SUPT3H: variants seen among roughly 807,000 people sequenced by gnomAD.
SUPT3H encodes transcription initiation protein SPT3 homolog.
Under a neutral mutation model 44.3 loss-of-function variants are expected in SUPT3H, and 44 were observed. The ratio of observed to expected loss-of-function variants is 0.99; its 90% CI spans 0.78 to 1.28. The LOEUF is 1.28. Ranked by LOEUF, SUPT3H falls within the 50% of genes most tolerant of loss-of-function variation. The pLI is 0.00. For synonymous variants in SUPT3H, 124 were observed against 125.6 expected (o/e 0.99, Z 0.09); for missense variants, 380 against 387.1 (o/e 0.98, Z 0.15).
chr6:44,837,952 T>C (rs1188013281), intron 10 of SUPT3H, among the ~76,000 whole-genome samples: 1 of 152,222 alleles, frequency 6.6e-6, no homozygotes, highest in Non-Finnish European at 1.5e-5. Context: ...TTCCCCCGCC[T>C]TCTCAATGGC....
At chr6:45,184,483 G>C (rs1813825605) in intron 2 of SUPT3H, among the ~76,000 whole-genome samples, 1 of 151,974 alleles carries the variant, frequency 6.6e-6, no homozygotes, top group Admixed American at 6.6e-5. Flanking sequence ...TTATTTTTGA[G>C]TGCTTCTATG....
chr6:44,943,789 A>T (rs548365763), intron 9 of SUPT3H, among the ~76,000 whole-genome samples: 128 of 152,126 alleles, frequency 8.4e-4, no homozygotes, highest in African/African-American at 3.0e-3. Flanking sequence ...ATCTAATGAA[A>T]CATCATCCAA....
At chr6:44,887,210 G>A (rs1247024505) in intron 10 of SUPT3H, among the ~76,000 whole-genome samples, 2 of 152,188 alleles carry the variant, frequency 1.3e-5, no homozygotes, top group Non-Finnish European at 2.9e-5. Flanking sequence ...ACACATCAAC[G>A]AGACAGAAAG....
rs886222682 is a variant in SUPT3H at position 44,980,776 on chromosome 6, A to C, written c.505-18948T>G. 5.3e-5 allele frequency among the ~76,000 whole-genome samples: 8 copies of C among 152,318 alleles called. No homozygotes were observed. The East Asian group carries it at 1.3e-3, about 26-fold the overall frequency. On this transcript the variant is annotated intron_variant, in intron 6 of 10. Transcript: ENST00000371459. ...AATGAGGATTCTCTTCCTTCACATC[A>C]CTTACAAACATTTTTTTAAATGCAA...
intron 10 of SUPT3H, among the ~76,000 whole-genome samples, chr6:44,916,848 TG>T (rs1242370435): frequency 6.6e-6 from 1 of 152,138 alleles, no homozygotes; most frequent in Non-Finnish European, 1.5e-5. Flanking sequence ...GTTGCTAATT[TG>T]GGGGCTAGGC....
intron 10 of SUPT3H, among the ~76,000 whole-genome samples, chr6:44,840,951 G>T (rs1581925261): frequency 6.6e-6 from 1 of 152,240 alleles, no homozygotes; most frequent in African/African-American, 2.4e-5. Context: ...AAAACATGAT[G>T]TTGTCATCTA....
intron 2 of SUPT3H, among the ~76,000 whole-genome samples, chr6:45,293,452 C>T (rs1780621128): frequency 6.6e-6 from 1 of 151,926 alleles, no homozygotes; most frequent in Admixed American, 6.6e-5. Context: ...ACAAACCAAA[C>T]CCAAGCCTTG....
intron 10 of SUPT3H, among the ~76,000 whole-genome samples, chr6:44,922,327 C>T (rs966577884): frequency 6.6e-6 from 1 of 152,222 alleles, no homozygotes; most frequent in Non-Finnish European, 1.5e-5. Flanking sequence ...AGTAAGGTAT[C>T]AGTTTCATTT....
chr6:45,302,514 AATATAT>A (rs10524207), intron 2 of SUPT3H, among the ~76,000 whole-genome samples: 7,185 of 104,588 alleles, frequency 0.069, 287 homozygotes, highest in African/African-American at 0.11. Context: ...GTATCTCAGG[AATATAT>A]ATATATATAT....
chr6:45,213,293 A>T (rs933717643), intron 2 of SUPT3H, among the ~76,000 whole-genome samples: 1 of 152,212 alleles, frequency 6.6e-6, no homozygotes, highest in African/African-American at 2.4e-5. Flanking sequence ...TGAATAAAAC[A>T]TATAACAAAC....
At chr6:45,304,993 T>C (rs1237597419) in intron 2 of SUPT3H, among the ~76,000 whole-genome samples, 1 of 152,228 alleles carries the variant, frequency 6.6e-6, no homozygotes, top group Non-Finnish European at 1.5e-5. Flanking sequence ...GAATACATAA[T>C]GTATCCAATA....
intron 2 of SUPT3H, among the ~76,000 whole-genome samples, chr6:45,202,272 T>G (rs1274655142): frequency 6.6e-6 from 1 of 151,944 alleles, no homozygotes; most frequent in Non-Finnish European, 1.5e-5. Context: ...ATAATGATGA[T>G]ACCTTCCTTG....
intron 2 of SUPT3H, among the ~76,000 whole-genome samples, chr6:45,178,214 A>G (rs1397457237): frequency 6.6e-6 from 1 of 152,312 alleles, no homozygotes; most frequent in East Asian, 1.9e-4. Flanking sequence ...AAATAAAAGG[A>G]TAGAGGAAGA....
intron 3 of SUPT3H, among the ~76,000 whole-genome samples, chr6:45,054,349 GA>G (rs1466927730): frequency 6.6e-6 from 1 of 152,122 alleles, no homozygotes; most frequent in African/African-American, 2.4e-5. Flanking sequence ...GGGATACAGA[GA>G]AGACTGAACA....
chr6:44,984,734 T>C (rs1235334863), intron 6 of SUPT3H, among the ~76,000 whole-genome samples: 3 of 152,288 alleles, frequency 2.0e-5, no homozygotes, highest in Non-Finnish European at 4.4e-5. Context: ...CTTTTATTAC[T>C]AGTAGCACAC....
intron 2 of SUPT3H, among the ~76,000 whole-genome samples, chr6:45,251,747 C>G (rs1246852110): frequency 6.6e-6 from 1 of 151,998 alleles, no homozygotes; most frequent in East Asian, 1.9e-4. Context: ...TAAACAAAGG[C>G]CAGTGCTAGT....
chr6:45,198,297 T>C (rs565033778), intron 2 of SUPT3H, among the ~76,000 whole-genome samples: 3 of 151,326 alleles, frequency 2.0e-5, no homozygotes, highest in Admixed American at 6.6e-5. Context: ...TCATTTTGTA[T>C]TCAACAGCAG....
chr6:44,891,514 A>G (rs1763311839), intron 10 of SUPT3H, among the ~76,000 whole-genome samples: 1 of 152,186 alleles, frequency 6.6e-6, no homozygotes, highest in African/African-American at 2.4e-5. Context: ...CACATATCAT[A>G]TAATTCCATT....
chr6:45,231,333 T>C (rs552702759), intron 2 of SUPT3H, among the ~76,000 whole-genome samples: 1 of 152,204 alleles, frequency 6.6e-6, no homozygotes, highest in African/African-American at 2.4e-5. Context: ...ACTTTATTTA[T>C]CCTTCCTTCA....
Sources: allele counts gnomAD v4.1 joint callset (sites outside exome capture counted in the v4.1 genomes callset), GRCh38; gene constraint gnomAD v4.1.1; transcripts MANE v1.5; gene names NCBI Gene and HGNC (gene_info 2026-07-23, HGNC 2026-07-21).